Variants in ECT2L observed in about 807,000 individuals in gnomAD.
ECT2L encodes the protein epithelial cell transforming 2 like.
ECT2L carries 126 observed loss-of-function variants against 122.8 expected under a neutral mutation model. That is an observed-to-expected ratio of 1.03 (90% CI 0.89 to 1.19). The LOEUF is 1.19. Ranked by LOEUF, ECT2L falls within the 50% of genes most tolerant of loss-of-function variation. The pLI, the probability that ECT2L is intolerant of heterozygous loss-of-function variation, is 0.00. For synonymous variants in ECT2L, 385 were observed against 381.8 expected (o/e 1.01, Z -0.10); for missense variants, 1,012 against 1,064.1 (o/e 0.95, Z 0.68).
At chr6:138,890,597 T>C in intron 20 of ECT2L, among the ~76,000 whole-genome samples, 1 of 147,288 alleles carries the variant, frequency 6.8e-6, no homozygotes, top group Non-Finnish European at 1.5e-5. Flanking sequence ...ACACACTGGT[T>C]TGGTAGAAGA....
At chr6:138,890,668 C>G (rs888408075) in intron 20 of ECT2L, among the ~76,000 whole-genome samples, 9 of 151,972 alleles carry the variant, frequency 5.9e-5, no homozygotes, top group South Asian at 2.1e-4. Flanking sequence ...TATTCCTTCT[C>G]AAACACTCTT....
At chr6:138,853,775 G>C (rs990677543) in intron 9 of ECT2L, among the ~76,000 whole-genome samples, 2 of 152,174 alleles carry the variant, frequency 1.3e-5, no homozygotes, top group Non-Finnish European at 2.9e-5. Flanking sequence ...TTACCCTGCT[G>C]CACAGTGGAG....
intron 1 of ECT2L, among the ~76,000 whole-genome samples, chr6:138,797,256 A>G (rs550648697): frequency 5.9e-5 from 9 of 152,280 alleles, no homozygotes; most frequent in African/African-American, 2.2e-4. Context: ...TTTTTTCACC[A>G]ATCACACTTA....
At chr6:138,855,065 A>G (rs1777568717) in intron 10 of ECT2L, among the ~76,000 whole-genome samples, 1 of 152,192 alleles carries the variant, frequency 6.6e-6, no homozygotes. Context: ...ACTGTTCAAC[A>G]TATGCAAAGC....
In ECT2L at chr6:138,797,637, C is replaced by T. The variant is rs542990343; in HGVS notation, c.-244+1445C>T. Among the ~76,000 whole-genome samples the T allele has an allele frequency of 1.7e-4, 26 of 149,428 alleles. No homozygotes were observed. The South Asian group carries it at 5.2e-3, about 30-fold the overall frequency. On this transcript the variant is annotated intron_variant, in intron 1 of 21. Transcript: ENST00000541398. Reference sequence around the variant, plus strand: ...ATCTTTTAATCTGGCTTTGGTTGTTCTGAGAGGAAAAAAAAAACAAAAAAC... The same window carrying T: ...ATCTTTTAATCTGGCTTTGGTTGTTTTGAGAGGAAAAAAAAAACAAAAAAC...
intron 12 of ECT2L, among the ~76,000 whole-genome samples, chr6:138,867,164 G>C (rs573451182): frequency 1.3e-5 from 2 of 152,152 alleles, no homozygotes; most frequent in Admixed American, 6.5e-5. Flanking sequence ...TGGTAGGATC[G>C]AGAGTCTTAC....
chr6:138,872,654 T>C (rs997515199), intron 13 of ECT2L, among the ~76,000 whole-genome samples: 3 of 152,216 alleles, frequency 2.0e-5, no homozygotes, highest in Non-Finnish European at 4.4e-5. Context: ...CCCAGGCCTC[T>C]AATACCACTC....
chr6:138,808,239 A>G (rs932389590), intron 1 of ECT2L, among the ~76,000 whole-genome samples: 3 of 151,914 alleles, frequency 2.0e-5, no homozygotes, highest in Non-Finnish European at 4.4e-5. Flanking sequence ...ATTGGATTTT[A>G]TTTTTGTTTT....
chr6:138,881,897 G>A (rs984142874), intron 15 of ECT2L, among the ~76,000 whole-genome samples: 66 of 152,220 alleles, frequency 4.3e-4, no homozygotes, highest in African/African-American at 1.5e-3. Context: ...CCACAGACTG[G>A]TACCTATCCA....
intron 4 of ECT2L, among the ~76,000 whole-genome samples, chr6:138,818,745 G>A (rs144158981): frequency 6.6e-6 from 1 of 152,166 alleles, no homozygotes; most frequent in East Asian, 1.9e-4. Context: ...ATTACTCGAG[G>A]AAACATCAGG....
chr6:138,834,355 G>A (rs940143202), intron 4 of ECT2L, among the ~76,000 whole-genome samples: 2 of 151,830 alleles, frequency 1.3e-5, no homozygotes, highest in African/African-American at 2.4e-5. Flanking sequence ...TTAATGTGAC[G>A]GAAGCATTTT....
At chr6:138,839,847 A>G (rs1208978732) in intron 5 of ECT2L, among the ~76,000 whole-genome samples, 1 of 152,174 alleles carries the variant, frequency 6.6e-6, no homozygotes, top group African/African-American at 2.4e-5. Flanking sequence ...TGGTTACCAT[A>G]GACTACAACA....
In ECT2L at chr6:138,865,024, G is replaced by C. The variant is rs779392465; in HGVS notation, c.1320G>C (p.Trp440Cys). ...HILSDWLGSQ[W>C]GKAPSSIYFC... ...TTAGTGATTGGCTGGGATCCCAATG[G>C]GGAAAGGCCCCCTCTTCCATCTACT... The change falls in exon 12 of 22, where the codon TGG (tryptophan) becomes TGC (cysteine). Residue 440 changes from tryptophan (W) to cysteine (C), a missense_variant. Transcript: ENST00000541398. 2 of 1,613,458 alleles carry C rather than the reference G, an allele frequency of 1.2e-6. No homozygotes were observed. The highest frequency in any genetic ancestry group is 3.3e-5 in the Admixed American group (2 of 59,994).
chr6:138,834,397 G>C (rs1003717563), intron 4 of ECT2L, among the ~76,000 whole-genome samples: 1 of 151,824 alleles, frequency 6.6e-6, no homozygotes, highest in Admixed American at 6.6e-5. Flanking sequence ...ATACTCAAAC[G>C]TGTCCTTGTA....
chr6:138,845,909 C>A (rs1231170779), intron 7 of ECT2L, among the ~76,000 whole-genome samples: 1 of 151,802 alleles, frequency 6.6e-6, no homozygotes, highest in Non-Finnish European at 1.5e-5. Flanking sequence ...CATCTTTCCC[C>A]CCACCCAAAA....
chr6:138,846,568 C>T lies in ECT2L; in HGVS notation c.794C>T (p.Pro265Leu), dbSNP rs774923718. ...RSNISGSHSY[P>L]LLSKKNWHGV... The stretch of plus-strand genomic sequence containing the variant: ...AATATTTCTGGAAGCCATTCCTACC[C>T]TTTATTATCAAAGAAAAATTGGCAT... The change falls in exon 8 of 22, where the codon CCT becomes CTT. Residue 265 changes from proline (P) to leucine (L), a missense_variant. Transcript: ENST00000541398. The T allele has an allele frequency of 6.2e-7, 1 of 1,605,462 alleles. No individual in the cohort carries two copies. The highest frequency in any genetic ancestry group is 1.1e-5 in the South Asian group (1 of 88,794).
At chr6:138,834,691 A>T (rs909922088) in intron 4 of ECT2L, among the ~76,000 whole-genome samples, 2 of 152,200 alleles carry the variant, frequency 1.3e-5, no homozygotes, top group Admixed American at 6.5e-5. Flanking sequence ...AGTCTAACTC[A>T]GGCAATGAGG....
At chr6:138,878,306 T>TATACACACACACAC (rs139026623) in intron 14 of ECT2L, among the ~76,000 whole-genome samples, 53 of 150,326 alleles carry the variant, frequency 3.5e-4, no homozygotes, top group African/African-American at 1.3e-3. Context: ...CATATATATA[T>TATACACACACACAC]ACACACACAC....
chr6:138,814,660 A>C, intron 4 of ECT2L, 57 bp downstream of exon 4: 2 of 1,062,556 alleles, frequency 1.9e-6, no homozygotes, highest in Non-Finnish European at 2.8e-6. Flanking sequence ...CCGTATATAA[A>C]TGTTTATATA....
Sources: gnomAD v4.1 joint callset for allele counts (sites outside exome capture counted in the v4.1 genomes callset) on GRCh38, gnomAD v4.1.1 for gene constraint, MANE v1.5 for transcripts, NCBI Gene and HGNC (gene_info 2026-07-23, HGNC 2026-07-21) for gene names.